The following MBOAT1 variants were observed in gnomAD, a reference collection of about 807,000 sequenced individuals.
The protein encoded by MBOAT1 is membrane bound glycerophospholipid O-acyltransferase 1.
Under a neutral mutation model 64.4 loss-of-function variants are expected in MBOAT1, and 67 were observed. That is an observed-to-expected ratio of 1.04 (90% CI 0.85 to 1.27). MBOAT1 has a LOEUF of 1.27. Among genes scored for constraint, MBOAT1 ranks in the 50% most tolerant of loss-of-function variants. The probability of loss-of-function intolerance (pLI) is 0.00; values close to 1 mark genes in which losing one functional copy is unlikely to be tolerated. For synonymous variants in MBOAT1, 229 were observed against 218.9 expected, an observed-to-expected ratio of 1.05 and a Z score of -0.41; for missense variants, 563 against 604.6, an observed-to-expected ratio of 0.93 and a Z score of 0.72.
Position 20,129,172 on chromosome 6 carries a change from T to C in MBOAT1, c.476-419A>G, listed in dbSNP as rs772538663. 1.3e-4 allele frequency among the ~76,000 whole-genome samples: 20 copies of C among 152,102 alleles called. 2 individuals carry two copies. Among genetic ancestry groups the C allele is most frequent in the Admixed American group, 1.1e-3 (17 of 15,264 alleles). Reference sequence around the variant, plus strand: ...GGCTGCACTAGGTGCAGACACTTACTACAAGCTGAGAGCCTGGTTGTGGGA... The same window carrying C: ...GGCTGCACTAGGTGCAGACACTTACCACAAGCTGAGAGCCTGGTTGTGGGA... On this transcript the variant is annotated intron_variant, in intron 5 of 12. Transcript: ENST00000324607.
At chr6:20,179,327 C>G (rs1299449771) in intron 1 of MBOAT1, among the ~76,000 whole-genome samples, 1 of 152,092 alleles carries the variant, frequency 6.6e-6, no homozygotes, top group Non-Finnish European at 1.5e-5. Context: ...GAATTAAGCC[C>G]CATTGTGTGC....
intron 11 of MBOAT1, among the ~76,000 whole-genome samples, chr6:20,111,869 C>CATATATATACATATATATATACAT (rs1760173117): frequency 8.0e-6 from 1 of 124,324 alleles, no homozygotes; most frequent in African/African-American, 3.9e-5. Flanking sequence ...CATATATATA[C>CATATATATACATATATATATACAT]ATATATATAT....
chr6:20,162,685 C>T (rs1208756299), intron 1 of MBOAT1, among the ~76,000 whole-genome samples: 1 of 152,164 alleles, frequency 6.6e-6, no homozygotes, highest in Admixed American at 6.5e-5. Flanking sequence ...GTCAATGGCC[C>T]CAAAACCCTC....
intron 1 of MBOAT1, among the ~76,000 whole-genome samples, chr6:20,169,996 A>C (rs1267792778): frequency 1.3e-5 from 2 of 152,154 alleles, no homozygotes; most frequent in Non-Finnish European, 2.9e-5. Flanking sequence ...ATCTCTTGGC[A>C]GCCTCTGACA....
intron 4 of MBOAT1, among the ~76,000 whole-genome samples, chr6:20,141,472 A>G (rs572042923): frequency 6.8e-6 from 1 of 146,328 alleles, no homozygotes; most frequent in South Asian, 2.1e-4. Flanking sequence ...AGATTCTCCT[A>G]CCTTTACTTC....
chr6:20,151,060 C>G, intron 3 of MBOAT1, 125 bp downstream of exon 3: 1 of 639,018 alleles, frequency 1.6e-6, no homozygotes, highest in Non-Finnish European at 2.7e-6. Context: ...TCCTGATATT[C>G]TAGATAAACT....
intron 11 of MBOAT1, among the ~76,000 whole-genome samples, chr6:20,110,659 A>G (rs1760111583): frequency 3.3e-5 from 5 of 152,166 alleles, no homozygotes; most frequent in Admixed American, 2.6e-4. Context: ...CTTGGCACAG[A>G]GCCATCCAAG....
chr6:20,162,717 G>T (rs1761898401), intron 1 of MBOAT1, among the ~76,000 whole-genome samples: 1 of 152,206 alleles, frequency 6.6e-6, no homozygotes, highest in African/African-American at 2.4e-5. Context: ...AGCTCCATTA[G>T]TCAAACTGAG....
chr6:20,148,334 T>G (rs143754667), intron 3 of MBOAT1, among the ~76,000 whole-genome samples: 1 of 152,106 alleles, frequency 6.6e-6, no homozygotes, highest in East Asian at 1.9e-4. Flanking sequence ...GGAGAATCAC[T>G]TGAACTGGGG....
At position 20,131,726 on chromosome 6, in the gene MBOAT1, T is replaced by G. The variant is rs182099983; in HGVS notation, c.420-527A>C. On this transcript the variant is annotated intron_variant, in intron 4 of 12. Coordinates refer to ENST00000324607, the MANE Select transcript of MBOAT1 (RefSeq NM_001080480.3). ...AAATAATGAATTTGAAATAAACCAT[T>G]TTTATTTCCCTTCGAAATCACTTTA... Among the ~76,000 whole-genome samples the G allele has an allele frequency of 5.3e-5, 8 of 152,306 alleles. No individual in the cohort carries two copies. In the East Asian group the frequency reaches 1.5e-3, roughly 29 times the overall value.
intron 1 of MBOAT1, among the ~76,000 whole-genome samples, chr6:20,178,544 G>A (rs1007001267): frequency 6.6e-6 from 1 of 152,176 alleles, no homozygotes; most frequent in Non-Finnish European, 1.5e-5. Context: ...TGGCTACCAA[G>A]TTCAAAGATC....
intron 3 of MBOAT1, among the ~76,000 whole-genome samples, chr6:20,148,690 G>A (rs781123457): frequency 1.2e-4 from 18 of 152,166 alleles, no homozygotes; most frequent in Non-Finnish European, 2.5e-4. Context: ...CCAGCCTAGA[G>A]CTCTTTCCAT....
At chr6:20,192,995 CTTTTTTTTTTT>C (rs1174816793) in intron 1 of MBOAT1, among the ~76,000 whole-genome samples, 15 of 55,038 alleles carry the variant, frequency 2.7e-4, no homozygotes, top group East Asian at 1.5e-3. Context: ...GCTATAATTT[CTTTTTTTTTTT>C]TTTTTTTTTT....
intron 7 of MBOAT1, chr6:20,125,932 T>A (rs1286737425): frequency 2.4e-6 from 1 of 423,340 alleles, no homozygotes; most frequent in Non-Finnish European, 4.6e-6. Context: ...TTGACCTGAA[T>A]AAATTGAGCA....
intron 1 of MBOAT1, among the ~76,000 whole-genome samples, chr6:20,155,943 T>C (rs1202199): frequency 0.87 from 133,100 of 152,180 alleles, 58,547 homozygotes; most frequent in East Asian, 1. Context: ...TGTTGCCTGA[T>C]TCATGAACCA....
Position 20,101,746 on chromosome 6 carries a change from A to G in MBOAT1, c.*540T>C, listed in dbSNP as rs1374042014. ...TGGCACATTCTCTACACATCGCCAC[A>G]CCACTCAAATGTCCTATAAAATATC... On this transcript the variant is annotated 3_prime_UTR_variant, in exon 13 of 13. Transcript: ENST00000324607. 6.6e-6 allele frequency among the ~76,000 whole-genome samples: 1 copy of G among 152,162 alleles called. No individual in the cohort carries two copies. Among genetic ancestry groups the G allele is most frequent in the Non-Finnish European group, 1.5e-5 (1 of 68,030 alleles).
intron 3 of MBOAT1, 128 bp from the exon 4 acceptor site, chr6:20,144,443 A>G: frequency 1.6e-6 from 1 of 631,704 alleles, no homozygotes; most frequent in Non-Finnish European, 2.8e-6. Flanking sequence ...GTCTGACGAC[A>G]TCCCAGGCCA....
At chr6:20,194,831 T>C (rs1416601173) in intron 1 of MBOAT1, among the ~76,000 whole-genome samples, 1 of 152,222 alleles carries the variant, frequency 6.6e-6, no homozygotes, top group Non-Finnish European at 1.5e-5. Context: ...GATTTGTCTA[T>C]TTTCTCTATT....
rs556056503 is a variant in MBOAT1, at chr6:20,210,605, C to CCCTA, written c.99+1530_99+1531insTAGG. ...TCCCTCCCTCCCTCCCTCCCTCCCTCCCAGTTTTAAACATTCCTAAGGCTC... is the reference window on the plus strand; with the variant it reads ...TCCCTCCCTCCCTCCCTCCCTCCCTCCCTACCAGTTTTAAACATTCCTAAGGCTC... On this transcript the variant is annotated intron_variant, in intron 1 of 12. Transcript: ENST00000324607. Among the ~76,000 whole-genome samples, 1,386 of 149,632 alleles carry CCCTA rather than the reference C, an allele frequency of 9.3e-3. 32 individuals carry two copies. Among genetic ancestry groups the CCCTA allele is most frequent in the African/African-American group, 0.031 (1,236 of 40,188 alleles).
Sources: allele counts gnomAD v4.1 joint callset (sites outside exome capture counted in the v4.1 genomes callset), GRCh38; gene constraint gnomAD v4.1.1; transcripts MANE v1.5; gene names NCBI Gene and HGNC (gene_info 2026-07-23, HGNC 2026-07-21).